The following C2orf72 variants were observed in gnomAD, a reference collection of about 807,000 sequenced individuals.
C2orf72 encodes the protein uncharacterized protein C2orf72.
C2orf72 carries 16 observed loss-of-function variants against 14.4 expected under a neutral mutation model. The observed-to-expected ratio is 1.11, with a 90% CI of 0.75 to 1.69. The LOEUF is 1.69. Among genes scored for constraint, C2orf72 ranks in the 40% most tolerant of loss-of-function variants. C2orf72 has a pLI of 0.00. For synonymous variants in C2orf72, 168 were observed against 176.8 expected (o/e 0.95, Z 0.40); for missense variants, 371 against 358.3 (o/e 1.04, Z -0.29).
chr2:231,047,300 A>G lies in C2orf72; in HGVS notation c.*279A>G. 1 of 497,576 alleles carries G rather than the reference A, an allele frequency of 2.0e-6. No individual in the cohort carries two copies. Among genetic ancestry groups the G allele is most frequent in the Non-Finnish European group, 3.8e-6 (1 of 262,788 alleles). 30.8% of individuals were successfully genotyped at this position (497,576 alleles called of 1,614,324 possible). A position where few individuals can be genotyped will look rare whatever the true frequency, so the allele number is the denominator to read the frequency against. ...CGGTTTCTCTGAGCCACTGAGACAG[A>G]TGGCTGTCCGCTTTGAGGCTCTGCA... On this transcript the variant is annotated 3_prime_UTR_variant, in exon 3 of 3. Coordinates refer to ENST00000373640, the MANE Select transcript of C2orf72 (RefSeq NM_001144994.2).
At position 231,047,075 on chromosome 2, in the gene C2orf72, C is replaced by T. The variant is rs183711976; in HGVS notation, c.*54C>T. 51 of 1,549,372 alleles carry T rather than the reference C, an allele frequency of 3.3e-5. No individual in the cohort carries two copies. The African/African-American group carries it at 5.3e-4, about 16-fold the overall frequency. ...CTAACCTACAGACTGGGGCCTGGCT[C>T]CGTCTTACTGGCCCCCAGGTCTCCA... On this transcript the variant is annotated 3_prime_UTR_variant, in exon 3 of 3. Transcript: ENST00000373640.
chr2:231,044,945 T>TTTTATATATATA (rs1553555571), intron 2 of C2orf72, among the ~76,000 whole-genome samples: 32 of 141,662 alleles, frequency 2.3e-4, no homozygotes, highest in African/African-American at 7.6e-4. Context: ...ATATATATCT[T>TTTTATATATATA]TATATATATA....
rs569125294 is a variant in C2orf72, at chr2:231,047,917, T to G, written c.*896T>G. ...CTTTCTTTCTCATGTTGACATCGAC[T>G]TTCTGTGCCAAGTCCTTTGGGTATA... On this transcript the variant is annotated 3_prime_UTR_variant, in exon 3 of 3. Transcript: ENST00000373640. The G allele has an allele frequency of 6.6e-6, 1 of 152,516 alleles. No homozygotes were observed. The highest frequency in any genetic ancestry group is 2.1e-4 in the South Asian group (1 of 4,822). The allele number at this position is 152,516 out of a possible 1,614,324, so 9.4% of individuals were successfully genotyped here.
chr2:231,043,375 T>C (rs1693369687), intron 2 of C2orf72, among the ~76,000 whole-genome samples: 1 of 151,354 alleles, frequency 6.6e-6, no homozygotes. Context: ...CTGCCTGTCA[T>C]GTTTGAAAAC....
In C2orf72 at chr2:231,048,047, AT is replaced by A. The variant is rs1459777384; in HGVS notation, c.*1027del. The A allele has an allele frequency of 2.0e-5, 3 of 152,386 alleles. No homozygotes were observed. In the East Asian group the frequency reaches 5.8e-4, roughly 29 times the overall value. 9.4% of individuals were successfully genotyped at this position (152,386 alleles called of 1,614,324 possible). A position where few individuals can be genotyped will look rare whatever the true frequency, so the allele number is the denominator to read the frequency against. ...GCTCTCAGGTCCTAGCCCAAGCTCA[AT>A]GCAAACACAGCCCCTCCGGGCTCTC... On this transcript the variant is annotated 3_prime_UTR_variant, in exon 3 of 3. Transcript: ENST00000373640.
chr2:231,047,066 G>A lies in C2orf72; in HGVS notation c.*45G>A, dbSNP rs1395270778. On this transcript the variant is annotated 3_prime_UTR_variant, in exon 3 of 3. Coordinates refer to ENST00000373640, the MANE Select transcript of C2orf72 (RefSeq NM_001144994.2). ...TCCCTGGCTCTAACCTACAGACTGG[G>A]GCCTGGCTCCGTCTTACTGGCCCCC... 3 of 1,551,242 alleles carry A rather than the reference G, an allele frequency of 1.9e-6. No individual in the cohort carries two copies. Among genetic ancestry groups the A allele is most frequent in the Middle Eastern group, 1.7e-4 (1 of 5,992 alleles).
At position 231,037,910 on chromosome 2, in the gene C2orf72, G is replaced by C. The variant is rs901464834; in HGVS notation, c.345G>C (p.Ser115=). The change falls in exon 1 of 3, where the codon TCG becomes TCC. Residue 115 remains serine (S), a synonymous_variant. Coordinates refer to ENST00000373640, the MANE Select transcript of C2orf72 (RefSeq NM_001144994.2). The stretch of plus-strand genomic sequence containing the variant: ...TCTTCGTGCTGTGCCGCGCGTCGTC[G>C]CTGGCCGCCCGGGAGCCGCGGCGCC... ...PLVFVLCRAS[S]LAAREPRRRL... 9.8e-7 allele frequency: 1 copy of C among 1,024,364 alleles called. No individual in the cohort carries two copies. The highest frequency in any genetic ancestry group is 1.8e-5 in the African/African-American group (1 of 56,922). The allele number at this position is 1,024,364 out of a possible 1,614,324, so 63.5% of individuals were successfully genotyped here.
At chr2:231,041,251 TG>T in intron 1 of C2orf72, 44 bp from the exon 2 acceptor site, 1 of 1,372,240 alleles carries the variant, frequency 7.3e-7, no homozygotes, top group Non-Finnish European at 1.0e-6. Context: ...TCTTGTGAAG[TG>T]GGAACCATGT....
chr2:231,045,128 G>A (rs1693398362), intron 2 of C2orf72, among the ~76,000 whole-genome samples: 1 of 151,786 alleles, frequency 6.6e-6, no homozygotes, highest in Non-Finnish European at 1.5e-5. Context: ...CCAGGGCGTG[G>A]TGGCACACGC....
At chr2:231,039,097 C>T (rs1197929486) in intron 1 of C2orf72, among the ~76,000 whole-genome samples, 1 of 151,916 alleles carries the variant, frequency 6.6e-6, no homozygotes, top group Admixed American at 6.5e-5. Context: ...ACAGCATGTT[C>T]TCACTCGTAG....
intron 1 of C2orf72, among the ~76,000 whole-genome samples, chr2:231,040,761 T>G (rs574375713): frequency 6.6e-6 from 1 of 152,356 alleles, no homozygotes; most frequent in South Asian, 2.1e-4. Context: ...AAGGATACAG[T>G]CTCTTTACCT....
rs116226991 is a variant in C2orf72, at chr2:231,042,052, G to A, written c.748+643G>A. 5.4e-3 allele frequency among the ~76,000 whole-genome samples: 828 copies of A among 152,192 alleles called. 6 individuals carry two copies. The highest frequency in any genetic ancestry group is 0.018 in the African/African-American group (742 of 41,500). On this transcript the variant is annotated intron_variant, in intron 2 of 2. Transcript: ENST00000373640. The stretch of plus-strand genomic sequence containing the variant: ...GGACTCTAGGAGAGGGAGACACCTC[G>A]GCAGAGCCCACCTAGGAGGAGGCTG...
At chr2:231,038,282 C>G in intron 1 of C2orf72, 83 bp downstream of exon 1, 1 of 1,052,402 alleles carries the variant, frequency 9.5e-7, no homozygotes, top group Non-Finnish European at 1.2e-6. Flanking sequence ...TGGCCATTCC[C>G]TTATTGAGCA....
Position 231,037,852 on chromosome 2 carries a change from C to A in C2orf72, c.287C>A (p.Ala96Glu). 1.0e-6 allele frequency: 1 copy of A among 972,988 alleles called. No individual in the cohort carries two copies. Among genetic ancestry groups the A allele is most frequent in the South Asian group, 4.6e-5 (1 of 21,880 alleles). 60.3% of individuals were successfully genotyped at this position (972,988 alleles called of 1,614,324 possible). A position where few individuals can be genotyped will look rare whatever the true frequency, so the allele number is the denominator to read the frequency against. Residue 96 changes from alanine to glutamate, a missense_variant, in exon 1 of 3, where the codon GCG (alanine) becomes GAG (glutamate). By Grantham distance (107) the Ala-to-Glu change is moderately radical (BLOSUM62 -1). Coordinates refer to ENST00000373640, the MANE Select transcript of C2orf72 (RefSeq NM_001144994.2). Reference protein sequence around the residue: ...ARAAGAAGAAAAAARAIRSPL... With the variant: ...ARAAGAAGAAEAAARAIRSPL... ...GCGGCTGGGGCGGCGGGGGCGGCGG[C>A]GGCGGCGGCGCGCGCCATCCGCTCG...
rs1488335387 is a variant in C2orf72 at position 231,038,113 on chromosome 2, C to T, written c.548C>T (p.Ala183Val). ...GCGGGGGGGCCCGTGCAGGCGGCCG[C>T]CTACTGCCCCGGCCTCCCGGCCTCC... ...RQAGGPVQAA[A>V]YCPGLPASCL... The change falls in exon 1 of 3, where the codon GCC (alanine) becomes GTC (valine). Residue 183 changes from alanine (A) to valine (V), a missense_variant. Transcript: ENST00000373640. 8.6e-7 allele frequency: 1 copy of T among 1,167,602 alleles called. No homozygotes were observed. Among genetic ancestry groups the T allele is most frequent in the Non-Finnish European group, 1.1e-6 (1 of 946,740 alleles). 72.3% of individuals were successfully genotyped at this position (1,167,602 alleles called of 1,614,324 possible).
chr2:231,041,445 AG>A, intron 2 of C2orf72, 36 bp downstream of exon 2: 1 of 1,463,634 alleles, frequency 6.8e-7, no homozygotes, highest in South Asian at 1.2e-5. Context: ...CCTGAGGGCC[AG>A]GTGCATGGAA....
chr2:231,041,584 A>G (rs11685579), intron 2 of C2orf72, among the ~76,000 whole-genome samples, 175 bp downstream of exon 2: 8,604 of 152,108 alleles, frequency 0.057, 305 homozygotes, highest in Non-Finnish European at 0.066. Flanking sequence ...CAGTGGGCAC[A>G]TGGGCTCGGT....
chr2:231,037,672 TG>T lies in C2orf72; in HGVS notation c.110del (p.Gly37AlafsTer189). The T allele has an allele frequency of 9.1e-7, 1 of 1,102,148 alleles. No individual in the cohort carries two copies. The highest frequency in any genetic ancestry group is 2.6e-5 in the South Asian group (1 of 38,078). 68.3% of individuals were successfully genotyped at this position (1,102,148 alleles called of 1,614,324 possible). A position where few individuals can be genotyped will look rare whatever the true frequency, so the allele number is the denominator to read the frequency against. On this transcript the variant is annotated frameshift_variant, in exon 1 of 3. Coordinates refer to ENST00000373640, the MANE Select transcript of C2orf72 (RefSeq NM_001144994.2). LOFTEE classifies it high-confidence loss of function. Reference protein sequence around the residue: ...AAGGRGQVLLVGELWEREQSR... With the variant: ...AAGGRGQVLLXGELWEREQSR... ...GGGGGCCGCGGGCAGGTGCTGCTGG[TG>T]GGCGAGCTGTGGGAGCGCGAACAGA...
intron 1 of C2orf72, among the ~76,000 whole-genome samples, chr2:231,038,980 T>C (rs1693302137): frequency 6.6e-6 from 1 of 152,116 alleles, no homozygotes; most frequent in African/African-American, 2.4e-5. Flanking sequence ...CAGGATCTCC[T>C]TCCTCCTGGA....
Sources: allele counts gnomAD v4.1 joint callset (sites outside exome capture counted in the v4.1 genomes callset), GRCh38; gene constraint gnomAD v4.1.1; transcripts MANE v1.5; gene names NCBI Gene and HGNC (gene_info 2026-07-23, HGNC 2026-07-21).